Variants in KCNK2 observed in about 807,000 individuals in gnomAD.
KCNK2 encodes the protein potassium channel subfamily K member 2.
In KCNK2, 21 loss-of-function variants were observed where a neutral mutation model predicts 40.5. The ratio of observed to expected loss-of-function variants is 0.52; its 90% CI spans 0.37 to 0.75. The LOEUF (loss-of-function observed/expected upper bound fraction) is 0.75, where lower values mean the gene tolerates loss of function less well. Among genes scored for constraint, KCNK2 ranks in the 30% least tolerant of loss-of-function variants. KCNK2 has a pLI of 0.00. For synonymous variants in KCNK2, 191 were observed against 202.2 expected (o/e 0.94, Z 0.47); for missense variants, 399 against 531.6 (o/e 0.75, Z 2.45).
intron 1 of KCNK2, among the ~76,000 whole-genome samples, chr1:215,075,402 C>A (rs1323332606): frequency 6.6e-6 from 1 of 152,056 alleles, no homozygotes; most frequent in African/African-American, 2.4e-5. Flanking sequence ...TAATTTGAAA[C>A]CCACTCAGGA....
chr1:215,219,585 C>T (rs1666091098), intron 6 of KCNK2, among the ~76,000 whole-genome samples: 1 of 152,136 alleles, frequency 6.6e-6, no homozygotes, highest in African/African-American at 2.4e-5. Flanking sequence ...CATCCCATGA[C>T]TCATGTTATT....
rs956544573 is a variant in KCNK2, at chr1:215,082,836, G to A, written c.-550G>A. 6.6e-5 allele frequency among the ~76,000 whole-genome samples: 10 copies of A among 152,020 alleles called. No homozygotes were observed. Among genetic ancestry groups the A allele is most frequent in the African/African-American group, 2.2e-4 (9 of 41,422 alleles). On this transcript the variant is annotated 5_prime_UTR_variant, in exon 1 of 7. Coordinates refer to ENST00000444842, the MANE Select transcript of KCNK2 (RefSeq NM_001017425.3). ...CGGACCGTGCCACACACCCCCCGCG[G>A]GGCACGGAGGGCATTGCGGGGGGAG...
chr1:215,082,525 G>A (rs1398962507), upstream of KCNK2, among the ~76,000 whole-genome samples: 5 of 152,132 alleles, frequency 3.3e-5, no homozygotes, highest in African/African-American at 9.7e-5. Context: ...GGGTGGGGAT[G>A]GGGGTTAGTG....
intron 1 of KCNK2, among the ~76,000 whole-genome samples, chr1:215,060,230 G>C (rs1413215672): frequency 2.0e-5 from 3 of 152,146 alleles, no homozygotes; most frequent in African/African-American, 7.2e-5. Context: ...CAACTAAACA[G>C]AGAAAAATGA....
At chr1:215,075,457 G>C (rs1364971449) in intron 1 of KCNK2, among the ~76,000 whole-genome samples, 8 of 152,150 alleles carry the variant, frequency 5.3e-5, no homozygotes, top group Non-Finnish European at 1.2e-4. Context: ...AGTTTCACTA[G>C]TGTCATTCTT....
At chr1:215,101,736 T>C (rs763226379) in intron 2 of KCNK2, among the ~76,000 whole-genome samples, 3 of 151,980 alleles carry the variant, frequency 2.0e-5, no homozygotes, top group African/African-American at 4.8e-5. Flanking sequence ...TAGATTATAA[T>C]GGAGCTAAGA....
chr1:215,083,194 T>TGCCCCCCCC lies in KCNK2; in HGVS notation c.-192_-191insGCCCCCCCC. The TGCCCCCCCC allele has an allele frequency of 8.0e-6, 4 of 501,814 alleles. No homozygotes were observed. The highest frequency in any genetic ancestry group is 9.9e-6 in the Non-Finnish European group (3 of 301,554). The allele number at this position is 501,814 out of a possible 1,614,324, so 31.1% of individuals were successfully genotyped here. A position where few individuals can be genotyped will look rare whatever the true frequency, so the allele number is the denominator to read the frequency against. ...CCCGCGATTTCGTTTCTTCTCACGC[T>TGCCCCCCCC]CCCCCCCCCGCCCCCTCCCGCGTCC... is the stretch of plus-strand genomic sequence containing the variant. On this transcript the variant is annotated 5_prime_UTR_variant, in exon 1 of 7. Transcript: ENST00000444842.
At chr1:215,162,849 C>T (rs1463712892) in intron 3 of KCNK2, among the ~76,000 whole-genome samples, 2 of 147,412 alleles carry the variant, frequency 1.4e-5, no homozygotes, top group Non-Finnish European at 3.0e-5. Context: ...AGTTTGAAGT[C>T]AGGTAGCATG....
rs1352912601 is a variant in KCNK2, at chr1:215,048,084, A to G, written c.35-38284A>G. 3.9e-5 allele frequency among the ~76,000 whole-genome samples: 6 copies of G among 152,208 alleles called. No homozygotes were observed. In the East Asian group the frequency reaches 7.7e-4, roughly 19 times the overall value. On this transcript the variant is annotated intron_variant, in intron 1 of 6. Transcript: ENST00000391895. ...AGTTTATTGACTTGACAGGCCTTCA[A>G]AGATATTCCTGGGTTTTAATATTGG...
chr1:215,158,128 G>A (rs1396505903), intron 3 of KCNK2, among the ~76,000 whole-genome samples: 1 of 152,172 alleles, frequency 6.6e-6, no homozygotes, highest in Non-Finnish European at 1.5e-5. Flanking sequence ...TATTTGACAA[G>A]TGAAGCAGAG....
At chr1:215,169,701 A>T (rs921830405) in intron 4 of KCNK2, among the ~76,000 whole-genome samples, 1 of 151,814 alleles carries the variant, frequency 6.6e-6, no homozygotes, top group Non-Finnish European at 1.5e-5. Context: ...CAATGGTACA[A>T]TGGGTGCAAT....
At chr1:215,124,258 T>A (rs1475882761) in intron 2 of KCNK2, among the ~76,000 whole-genome samples, 1 of 152,194 alleles carries the variant, frequency 6.6e-6, no homozygotes. Flanking sequence ...AGCTATTATA[T>A]ATTATTGTAA....
intron 5 of KCNK2, among the ~76,000 whole-genome samples, chr1:215,177,806 C>T (rs1338778490): frequency 2.9e-5 from 4 of 137,824 alleles, no homozygotes; most frequent in African/African-American, 5.3e-5. Flanking sequence ...TGTTTGAAGT[C>T]GAGTAATGTG....
intron 1 of KCNK2, among the ~76,000 whole-genome samples, chr1:215,069,321 A>G (rs1658668437): frequency 6.6e-6 from 1 of 152,160 alleles, no homozygotes; most frequent in Non-Finnish European, 1.5e-5. Flanking sequence ...GGAGCTGCCT[A>G]AGTTGGAGGG....
At chr1:215,086,285 CT>C in intron 1 of KCNK2, 82 bp from the exon 2 acceptor site, 7 of 1,147,388 alleles carry the variant, frequency 6.1e-6, no homozygotes, top group Non-Finnish European at 8.9e-6. Flanking sequence ...TTCAATCAAC[CT>C]TCTCTGACCC....
At chr1:215,062,936 G>C (rs1658407969) in intron 1 of KCNK2, among the ~76,000 whole-genome samples, 5 of 152,064 alleles carry the variant, frequency 3.3e-5, no homozygotes, top group Non-Finnish European at 7.4e-5. Context: ...AACCAATGAG[G>C]ACATACAATA....
In KCNK2 at chr1:215,006,209, G is replaced by A. The variant is rs557160121; in HGVS notation, c.34+254G>A. Among the ~76,000 whole-genome samples, 11 of 152,224 alleles carry A rather than the reference G, an allele frequency of 7.2e-5. No homozygotes were observed. In the South Asian group the frequency reaches 8.3e-4, roughly 11 times the overall value. On this transcript the variant is annotated intron_variant, in intron 1 of 6. Transcript: ENST00000391895. ...CATGTTACATCAGGCTTTTATTTGC[G>A]ATGTGTTACTTCTGGCAATGTAAAA...
intron 6 of KCNK2, among the ~76,000 whole-genome samples, chr1:215,209,771 A>T (rs780592534): frequency 1.9e-3 from 3 of 1,590 alleles, no homozygotes; most frequent in Non-Finnish European, 2.3e-3. Flanking sequence ...AAAATATATA[A>T]TATATATAAA....
intron 3 of KCNK2, among the ~76,000 whole-genome samples, chr1:215,151,942 C>A (rs944186958): frequency 5.9e-5 from 9 of 152,150 alleles, no homozygotes; most frequent in East Asian, 3.9e-4. Context: ...TACAGTAATT[C>A]TTCTTCTAAG....
Sources: allele counts gnomAD v4.1 joint callset (sites outside exome capture counted in the v4.1 genomes callset), GRCh38; gene constraint gnomAD v4.1.1; transcripts MANE v1.5; gene names NCBI Gene and HGNC (gene_info 2026-07-23, HGNC 2026-07-21).